KAZN: variants seen among roughly 807,000 people sequenced by gnomAD.
The protein encoded by KAZN is kazrin.
KAZN carries 40 observed loss-of-function variants against 87.4 expected under a neutral mutation model. The observed-to-expected ratio is 0.46, with a 90% CI of 0.36 to 0.60. KAZN has a LOEUF of 0.60. Ranked by LOEUF, KAZN falls within the 20% of genes least tolerant of loss-of-function variation. The pLI is 0.00. For missense variants in KAZN, 898 were observed against 1,073.9 expected (o/e 0.84, Z 2.29); for synonymous variants, 466 against 458.3 (o/e 1.02, Z -0.22).
intron 1 of KAZN, among the ~76,000 whole-genome samples, chr1:14,127,228 G>GT (rs1338661147): frequency 6.6e-6 from 1 of 152,130 alleles, no homozygotes; most frequent in Non-Finnish European, 1.5e-5. Flanking sequence ...CAATTTCATT[G>GT]TCCAGATGCA....
chr1:14,528,736 G>A (rs538049605), intron 2 of KAZN, among the ~76,000 whole-genome samples: 208 of 135,812 alleles, frequency 1.5e-3, no homozygotes, highest in Middle Eastern at 4.5e-3. Flanking sequence ...GTGACAGAGC[G>A]AGACCCTGTC....
chr1:14,723,527 A>G (rs1342931494), intron 1 of KAZN, among the ~76,000 whole-genome samples: 7 of 152,242 alleles, frequency 4.6e-5, no homozygotes, highest in Non-Finnish European at 7.3e-5. Flanking sequence ...ACATGCCTCT[A>G]TGGCCACGAT....
chr1:14,483,982 G>T (rs1669217940), intron 2 of KAZN, among the ~76,000 whole-genome samples: 2 of 152,164 alleles, frequency 1.3e-5, no homozygotes, highest in Non-Finnish European at 2.9e-5. Flanking sequence ...CCCGCATGTG[G>T]ATATCCAGTT....
intron 1 of KAZN, among the ~76,000 whole-genome samples, chr1:14,798,511 TCCA>T (rs1338447410): frequency 5.0e-4 from 3 of 6,058 alleles, no homozygotes; most frequent in Non-Finnish European, 6.8e-4. Flanking sequence ...CACTGCAAGC[TCCA>T]CTTTCCACTT....
intron 1 of KAZN, among the ~76,000 whole-genome samples, chr1:13,954,825 T>C (rs1641482943): frequency 6.6e-6 from 1 of 152,190 alleles, no homozygotes; most frequent in South Asian, 2.1e-4. Context: ...GACTTTTTTC[T>C]TTTTTTACTT....
intron 1 of KAZN, among the ~76,000 whole-genome samples, chr1:13,965,350 G>A (rs1883645): frequency 0.19 from 28,575 of 151,958 alleles, 2,736 homozygotes; most frequent in East Asian, 0.26. Context: ...GCTGTGGGAC[G>A]TCACATTCTA....
At chr1:14,852,018 C>T (rs1649507853) in intron 1 of KAZN, among the ~76,000 whole-genome samples, 1 of 152,200 alleles carries the variant, frequency 6.6e-6, no homozygotes, top group African/African-American at 2.4e-5. Context: ...CATATCTCAG[C>T]TCCTCCCATT....
Position 15,094,339 on chromosome 1 carries a change from T to C in KAZN, c.1382T>C (p.Met461Thr). The C allele has an allele frequency of 6.2e-7, 1 of 1,613,890 alleles. No homozygotes were observed. Among genetic ancestry groups the C allele is most frequent in the Non-Finnish European group, 8.5e-7 (1 of 1,179,840 alleles). Reference protein sequence around the residue: ...VQAWLEVVMAMPMYVKACTEN... With the variant: ...VQAWLEVVMATPMYVKACTEN... Reference sequence around the variant, plus strand: ...GCCTGGCTGGAGGTGGTGATGGCCATGCCTATGTACGTCAAGGCCTGCACG... The same window carrying C: ...GCCTGGCTGGAGGTGGTGATGGCCACGCCTATGTACGTCAAGGCCTGCACG... The change falls in exon 9 of 15, where the codon ATG (methionine) becomes ACG (threonine). Residue 461 changes from methionine (M) to threonine (T), a missense_variant. Met to Thr is a moderately conservative substitution (Grantham distance 81). Coordinates refer to ENST00000376030, the MANE Select transcript of KAZN (RefSeq NM_201628.3). The surrounding 1 kb of genome is among the most constrained non-coding windows in gnomAD (Gnocchi z 4.5).
intron 1 of KAZN, among the ~76,000 whole-genome samples, chr1:14,659,526 G>A (rs1005579678): frequency 6.6e-6 from 1 of 152,140 alleles, no homozygotes; most frequent in African/African-American, 2.4e-5. Flanking sequence ...TCCGTAGGCA[G>A]CACTTTATGT....
intron 2 of KAZN, among the ~76,000 whole-genome samples, chr1:14,484,884 C>A (rs1366933283): frequency 1.3e-5 from 2 of 152,190 alleles, no homozygotes; most frequent in African/African-American, 4.8e-5. Context: ...TGCCAAAATG[C>A]TTTGTCAAAC....
At position 15,104,062 on chromosome 1, in the gene KAZN, G is replaced by A. The variant is rs766708484; in HGVS notation, c.1921G>A (p.Ala641Thr). Residue 641 changes from alanine to threonine, a missense_variant, in exon 13 of 15, where the codon GCT becomes ACT. Ala to Thr is a moderately conservative substitution (Grantham distance 58, BLOSUM62 0). This residue lies in a region of KAZN where 521 missense variants were observed against 689.4 expected (regional missense o/e 0.76). Transcript: ENST00000376030. ...CCTGACCAACAGCGGCGTCCATGGTGCTGTGCTGGTGCTGGAGCCCACATT... is the reference window on the plus strand; with the variant it reads ...CCTGACCAACAGCGGCGTCCATGGTACTGTGCTGGTGCTGGAGCCCACATT... The part of the protein sequence containing the change: ...DNLTNSGVHG[A>T]VLVLEPTFNA... 1.2e-6 allele frequency: 2 copies of A among 1,613,762 alleles called. No homozygotes were observed. Among genetic ancestry groups the A allele is most frequent in the South Asian group, 2.2e-5 (2 of 90,936 alleles).
chr1:15,054,036 T>TA (rs1325315799), intron 4 of KAZN, among the ~76,000 whole-genome samples: 3 of 151,870 alleles, frequency 2.0e-5, no homozygotes, highest in Non-Finnish European at 4.4e-5. Context: ...TTGTCTAAAA[T>TA]AATACAGCTG....
chr1:14,058,395 C>T (rs1642662204), intron 1 of KAZN, among the ~76,000 whole-genome samples: 1 of 152,156 alleles, frequency 6.6e-6, no homozygotes, highest in African/African-American at 2.4e-5. Context: ...ATTCTGTTCT[C>T]TGCTACTGGC....
chr1:14,230,620 A>T (rs1647728151), intron 2 of KAZN, among the ~76,000 whole-genome samples: 1 of 152,198 alleles, frequency 6.6e-6, no homozygotes, highest in African/African-American at 2.4e-5. Flanking sequence ...GATTTGGTTA[A>T]TAATGGGATA....
Position 14,419,985 on chromosome 1 carries a change from C to T in KAZN, c.250-178998C>T, listed in dbSNP as rs540547875. On this transcript the variant is annotated intron_variant, in intron 2 of 16. Coordinates refer to the KAZN transcript ENST00000636203. ...ATTAGGGGATTGCCACTCCCGGCTC[C>T]GGCAGCCTGCTTTTATTCCCTTATC... 5.9e-5 allele frequency among the ~76,000 whole-genome samples: 9 copies of T among 152,266 alleles called. No individual in the cohort carries two copies. In the East Asian group the frequency reaches 1.2e-3, roughly 20 times the overall value.
chr1:14,993,842 A>G (rs1343583912), intron 2 of KAZN, among the ~76,000 whole-genome samples: 1 of 152,202 alleles, frequency 6.6e-6, no homozygotes. Context: ...TTGAGCCGTA[A>G]TGACCCGGAT....
chr1:14,224,417 TA>T (rs1299301363), intron 2 of KAZN, among the ~76,000 whole-genome samples: 2 of 152,154 alleles, frequency 1.3e-5, no homozygotes, highest in African/African-American at 4.8e-5. Flanking sequence ...AAAGAAATGT[TA>T]TTTGGTGTTT....
chr1:14,695,152 A>G (rs949400373), intron 1 of KAZN, among the ~76,000 whole-genome samples: 2 of 152,214 alleles, frequency 1.3e-5, no homozygotes, highest in African/African-American at 4.8e-5. Context: ...TACTGCAATG[A>G]TGCTATCATA....
intron 1 of KAZN, among the ~76,000 whole-genome samples, chr1:14,638,451 C>T (rs1680163560): frequency 6.6e-6 from 1 of 151,910 alleles, no homozygotes; most frequent in East Asian, 1.9e-4. Context: ...TGCCTGTAAT[C>T]CCAGCTACTC....
Sources: allele counts gnomAD v4.1 joint callset (sites outside exome capture counted in the v4.1 genomes callset), GRCh38; gene constraint gnomAD v4.1.1; regional missense constraint gnomAD v4.1.1; non-coding constraint Gnocchi (gnomAD v3.1); transcripts MANE v1.5; gene names NCBI Gene and HGNC (gene_info 2026-07-23, HGNC 2026-07-21).